The following ASPRV1 variants were observed in gnomAD, a reference collection of about 807,000 sequenced individuals.
ASPRV1 encodes aspartic peptidase retroviral like 1.
A neutral mutation model predicts 11.0 loss-of-function variants in ASPRV1; 7 were observed. The ratio of observed to expected loss-of-function variants is 0.64; its 90% CI spans 0.36 to 1.20. The LOEUF is 1.20. Among genes scored for constraint, ASPRV1 ranks in the 50% most tolerant of loss-of-function variants. The pLI, the probability that ASPRV1 is intolerant of heterozygous loss-of-function variation, is 0.02. For missense variants in ASPRV1, 299 were observed against 320.0 expected (o/e 0.93, Z 0.50); for synonymous variants, 136 against 138.4 (o/e 0.98, Z 0.12).
downstream of ASPRV1, among the ~76,000 whole-genome samples, chr2:69,959,161 G>A (rs1678004443): frequency 6.6e-6 from 1 of 152,162 alleles, no homozygotes; most frequent in African/African-American, 2.4e-5. Context: ...TGTCCAGGTG[G>A]GAACTTCAAG....
At chr2:69,989,009 C>T in the ASPRV1 span, among the ~76,000 whole-genome samples, 1 of 152,322 alleles carries the variant, frequency 6.6e-6, no homozygotes, top group Non-Finnish European at 1.5e-5. Flanking sequence ...TAAACCACTG[C>T]CTTCCTTCTC....
At chr2:70,072,294 A>G in the ASPRV1 span, among the ~76,000 whole-genome samples, 1,955 of 152,144 alleles carry the variant, frequency 0.013, 47 homozygotes, top group African/African-American at 0.045. Context: ...GGTGGCACAC[A>G]GTAGTCCCAG....
chr2:70,020,215 T>C, the ASPRV1 span, among the ~76,000 whole-genome samples: 1 of 152,128 alleles, frequency 6.6e-6, no homozygotes, highest in Admixed American at 6.6e-5. Flanking sequence ...ATAATTACCA[T>C]ATGATCTAGC....
At chr2:69,951,187 A>C in the ASPRV1 span, among the ~76,000 whole-genome samples, 1 of 151,822 alleles carries the variant, frequency 6.6e-6, no homozygotes, top group Non-Finnish European at 1.5e-5. Flanking sequence ...GCACTTTGGG[A>C]GGCTGAGGCA....
the ASPRV1 span, chr2:69,935,559 C>A: frequency 1.2e-6 from 1 of 806,662 alleles, no homozygotes; most frequent in Non-Finnish European, 2.1e-6. Flanking sequence ...CCCCTGAACT[C>A]CTCCAGTCTA....
chr2:69,936,941 G>A, the ASPRV1 span: 77 of 537,082 alleles, frequency 1.4e-4, 1 homozygote, highest in South Asian at 1.1e-3. Context: ...ACTGCTGCCT[G>A]CAGTCTTTCT....
the ASPRV1 span, among the ~76,000 whole-genome samples, chr2:70,022,180 A>G: frequency 6.6e-6 from 1 of 150,972 alleles, no homozygotes; most frequent in Non-Finnish European, 1.5e-5. Flanking sequence ...ATGCCCGGCT[A>G]ATTTTTTTGT....
chr2:70,058,882 CTTTT>C, the ASPRV1 span, among the ~76,000 whole-genome samples: 5 of 102,252 alleles, frequency 4.9e-5, no homozygotes, highest in Admixed American at 1.3e-4. Flanking sequence ...TATTACCCAA[CTTTT>C]TTTTTTTTTT....
At chr2:70,028,274 A>T in the ASPRV1 span, 1 of 152,212 alleles carries the variant, frequency 6.6e-6, no homozygotes, top group Non-Finnish European at 1.5e-5. Flanking sequence ...AATAGATGGA[A>T]GTAATGACGA....
At chr2:69,984,577 C>G in the ASPRV1 span, among the ~76,000 whole-genome samples, 1 of 141,260 alleles carries the variant, frequency 7.1e-6, no homozygotes, top group African/African-American at 2.6e-5. Context: ...TAGATCCACA[C>G]TTAAAAGAGA....
the ASPRV1 span, among the ~76,000 whole-genome samples, chr2:70,021,380 G>A: frequency 1.5e-3 from 228 of 148,656 alleles, 1 homozygote; most frequent in African/African-American, 5.4e-3. Flanking sequence ...GTGCAGTGGC[G>A]TGATCTCAGC....
the ASPRV1 span, among the ~76,000 whole-genome samples, chr2:70,052,350 CCTCA>C: frequency 2.6e-5 from 4 of 152,036 alleles, no homozygotes; most frequent in Non-Finnish European, 5.9e-5. Context: ...ATGAAAATGT[CCTCA>C]ATCAAGTGAA....
the ASPRV1 span, among the ~76,000 whole-genome samples, chr2:70,018,476 C>G: frequency 3.3e-5 from 5 of 152,156 alleles, no homozygotes; most frequent in African/African-American, 4.8e-5. Flanking sequence ...AAGCAATCTG[C>G]AGCAAAAAGA....
the ASPRV1 span, among the ~76,000 whole-genome samples, chr2:70,058,882 CTTTTTTTTTT>C: frequency 4.9e-5 from 5 of 102,258 alleles, no homozygotes; most frequent in Non-Finnish European, 7.3e-5. Context: ...TATTACCCAA[CTTTTTTTTTT>C]TTTTTTTTTT....
the ASPRV1 span, chr2:70,053,875 GA>G: frequency 2.6e-5 from 4 of 152,244 alleles, no homozygotes; most frequent in African/African-American, 9.6e-5. Context: ...TTCTTCAGCA[GA>G]GGAACCTCTT....
the ASPRV1 span, chr2:70,069,082 C>G: frequency 1.3e-5 from 2 of 151,884 alleles, no homozygotes; most frequent in Non-Finnish European, 2.9e-5. Context: ...GTCATGTTTT[C>G]CTGGTTACCC....
chr2:69,973,488 C>CA, the ASPRV1 span, among the ~76,000 whole-genome samples: 1 of 152,168 alleles, frequency 6.6e-6, no homozygotes, highest in African/African-American at 2.4e-5. Context: ...CCTCCTGCCT[C>CA]AGATAGTGCA....
chr2:70,027,672 G>A, the ASPRV1 span, among the ~76,000 whole-genome samples: 1 of 152,192 alleles, frequency 6.6e-6, no homozygotes, highest in Non-Finnish European at 1.5e-5. Flanking sequence ...GAGTAAAATG[G>A]TGGTTACTAC....
chr2:70,079,968 C>CTT, the ASPRV1 span, among the ~76,000 whole-genome samples: 5 of 152,310 alleles, frequency 3.3e-5, no homozygotes, highest in East Asian at 1.9e-4. Context: ...GTTGAAGTAA[C>CTT]TGTCTCTCTG....
Sources: gnomAD v4.1 joint callset for allele counts (sites outside exome capture counted in the v4.1 genomes callset) on GRCh38, gnomAD v4.1.1 for gene constraint, MANE v1.5 for transcripts, NCBI Gene and HGNC (gene_info 2026-07-23, HGNC 2026-07-21) for gene names.